DHRS1: variants seen among roughly 807,000 people sequenced by gnomAD.
DHRS1 encodes dehydrogenase/reductase 1, also known as dehydrogenase/reductase SDR family member 1.
Under a neutral mutation model 35.2 loss-of-function variants are expected in DHRS1, and 34 were observed. The ratio of observed to expected loss-of-function variants is 0.97; its 90% CI spans 0.74 to 1.29. The LOEUF is 1.29. DHRS1 is among the 50% of genes most tolerant of loss of function. The pLI is 0.00. For synonymous variants in DHRS1, 133 were observed against 160.0 expected (o/e 0.83, Z 1.27); for missense variants, 354 against 403.6 (o/e 0.88, Z 1.05).
At position 24,296,587 on chromosome 14, in the gene DHRS1, G is replaced by A. The variant is rs377106747; in HGVS notation, c.296C>T (p.Thr99Met). The change falls in exon 4 of 9, where the codon ACG becomes ATG. Residue 99 changes from threonine (T) to methionine (M), a missense_variant and splice_region_variant. Coordinates refer to ENST00000288111, the MANE Select transcript of DHRS1 (RefSeq NM_001136050.3). ...TGCCTTATTCCTGGTGTTCAGGATC[G>A]TCTGGAAGGCACAGGGAGGGTGATG... is the stretch of plus-strand genomic sequence containing the variant. ...LVNNAYAGVQTILNTRNKAFW... is the reference protein window; with the variant it reads ...LVNNAYAGVQMILNTRNKAFW... The A allele has an allele frequency of 4.2e-5, 68 of 1,614,006 alleles. No homozygotes were observed. The highest frequency in any genetic ancestry group is 2.0e-4 in the Admixed American group (12 of 59,984).
Position 24,291,465 on chromosome 14 carries a change from A to G in DHRS1, c.724+91T>C, listed in dbSNP as rs1311625042. 5 of 1,403,362 alleles carry G rather than the reference A, an allele frequency of 3.6e-6. No homozygotes were observed. In the African/African-American group the frequency reaches 7.1e-5, roughly 20 times the overall value. 86.9% of individuals were successfully genotyped at this position (1,403,362 alleles called of 1,614,324 possible). A position where few individuals can be genotyped will look rare whatever the true frequency, so the allele number is the denominator to read the frequency against. On this transcript the variant is annotated intron_variant, in intron 7 of 8. Coordinates refer to ENST00000288111, the MANE Select transcript of DHRS1 (RefSeq NM_001136050.3). The stretch of plus-strand genomic sequence containing the variant: ...AGAGAAAAGAATGACATGTTCCTCA[A>G]CCAACTCCCGAGCCAGATCTGGGCA...
chr14:24,296,866 C>T lies in DHRS1; in HGVS notation c.166G>A (p.Gly56Ser), dbSNP rs1451733834. ...VVAQEAQSLG[G>S]QCVPVVCDSS... ...TCGCACACCACAGGCACACATTGGC[C>T]CCCGAGGGATTGTGCCTGGAGTAGG... The change falls in exon 3 of 9, where the codon GGC (glycine) becomes AGC (serine). Residue 56 changes from glycine to serine, a missense_variant. Gly to Ser is a moderately conservative substitution (Grantham distance 56, BLOSUM62 0). Coordinates refer to ENST00000288111, the MANE Select transcript of DHRS1 (RefSeq NM_001136050.3). The T allele has an allele frequency of 4.3e-6, 7 of 1,614,192 alleles. No individual in the cohort carries two copies. The highest frequency in any genetic ancestry group is 1.6e-4 in the Middle Eastern group (1 of 6,062).
At chr14:24,295,045 A>AT in intron 4 of DHRS1, among the ~76,000 whole-genome samples, 1 of 152,026 alleles carries the variant, frequency 6.6e-6, no homozygotes, top group South Asian at 2.1e-4. Flanking sequence ...CTTTTTTTCT[A>AT]TTTTTCCCAC....
intron 4 of DHRS1, chr14:24,294,255 C>T (rs1448500335): frequency 6.6e-6 from 1 of 152,042 alleles, no homozygotes; most frequent in African/African-American, 2.4e-5. Context: ...CACATACACA[C>T]ACAAATACAA....
intron 5 of DHRS1, 27 bp downstream of exon 5, chr14:24,292,625 T>G (rs749248207): frequency 6.2e-7 from 1 of 1,614,218 alleles, no homozygotes; most frequent in South Asian, 1.1e-5. Flanking sequence ...TTTTACCTCC[T>G]CAGCTCCTAT....
intron 4 of DHRS1, 140 bp from the exon 5 acceptor site, chr14:24,292,924 A>G (rs2041189010): frequency 1.9e-6 from 2 of 1,065,568 alleles, no homozygotes; most frequent in South Asian, 3.8e-5. Context: ...GACCTGAGGA[A>G]TTAGGGGCTT....
rs532556388 is a variant in DHRS1 at position 24,298,619 on chromosome 14, C to T, written c.150+338G>A. 2.5e-4 allele frequency: 50 copies of T among 201,892 alleles called. 1 individual carries two copies. In the South Asian group the frequency reaches 5.8e-3, roughly 23 times the overall value. 12.5% of individuals were successfully genotyped at this position (201,892 alleles called of 1,614,324 possible). On this transcript the variant is annotated intron_variant, in intron 2 of 8. Coordinates refer to ENST00000288111, the MANE Select transcript of DHRS1 (RefSeq NM_001136050.3). The stretch of plus-strand genomic sequence containing the variant: ...TTTTCTTTTTTTTAATACAGTGTCT[C>T]GCTGTGTCGTCTAGACTGGAGTGCA...
chr14:24,292,550 G>C, intron 5 of DHRS1, 102 bp downstream of exon 5: 3 of 1,594,410 alleles, frequency 1.9e-6, no homozygotes, highest in Non-Finnish European at 2.6e-6. Flanking sequence ...GAGCTGAGAG[G>C]AGCCAGCCTT....
At chr14:24,294,112 G>A (rs1166466592) in intron 4 of DHRS1, 2 of 151,998 alleles carry the variant, frequency 1.3e-5, no homozygotes, top group East Asian at 1.9e-4. Flanking sequence ...TATAAAAAAC[G>A]AAAGCACAGA....
Position 24,291,189 on chromosome 14 carries a change from A to AC in DHRS1, c.754dup (p.Val252GlyfsTer6). 6.2e-7 allele frequency: 1 copy of AC among 1,614,142 alleles called. No homozygotes were observed. The highest frequency in any genetic ancestry group is 8.5e-7 in the Non-Finnish European group (1 of 1,180,030). ...TCGAGCAAGGTCACAGGATGGCAGC[A>AC]CCTTACCACTCAGGCTCAGGATATT... is the stretch of plus-strand genomic sequence containing the variant. On this transcript the variant is annotated frameshift_variant, in exon 8 of 9. Coordinates refer to ENST00000288111, the MANE Select transcript of DHRS1 (RefSeq NM_001136050.3). LOFTEE classifies it high-confidence loss of function.
rs956162647 is a variant in DHRS1 at position 24,299,749 on chromosome 14, G to A, written c.-193C>T. 35 of 594,450 alleles carry A rather than the reference G, an allele frequency of 5.9e-5. No homozygotes were observed. The highest frequency in any genetic ancestry group is 8.8e-5 in the Non-Finnish European group (31 of 352,970). 36.8% of individuals were successfully genotyped at this position (594,450 alleles called of 1,614,324 possible). A position where few individuals can be genotyped will look rare whatever the true frequency, so the allele number is the denominator to read the frequency against. ...TAGAGGGGCAGAGTCCCAGGCCAAA[G>A]TTAGAACCTGCGGATGGGGGCGGAG... is the stretch of plus-strand genomic sequence containing the variant. On this transcript the variant is annotated 5_prime_UTR_variant, in exon 1 of 9. Transcript: ENST00000288111.
Position 24,292,660 on chromosome 14 carries a change from T to C in DHRS1, c.499A>G (p.Lys167Glu), listed in dbSNP as rs775048909. The C allele has an allele frequency of 2.2e-5, 36 of 1,614,236 alleles. No individual in the cohort carries two copies. In the Middle Eastern group the frequency reaches 1.3e-3, roughly 59 times the overall value. Residue 167 changes from lysine to glutamate, a missense_variant, in exon 5 of 9, where the codon AAA (lysine) becomes GAA (glutamate). Physicochemically the swap from Lys to Glu is moderately conservative, Grantham distance 56. Coordinates refer to ENST00000288111, the MANE Select transcript of DHRS1 (RefSeq NM_001136050.3). ...TGCCACTGGGTCCTCACCGCAGCTT[T>C]GCCCACACCATAGGGGACATTGAAC... ...YMFNVPYGVG[K>E]AACDKLAADC...
chr14:24,298,925 T>A (rs764018793), intron 2 of DHRS1, 32 bp downstream of exon 2: 1 of 1,579,512 alleles, frequency 6.3e-7, no homozygotes, highest in South Asian at 1.1e-5. Context: ...TCGGGTGGTT[T>A]CTGCAACTGT....
chr14:24,293,861 T>C (rs1409171533), intron 4 of DHRS1: 1 of 151,994 alleles, frequency 6.6e-6, no homozygotes, highest in Non-Finnish European at 1.5e-5. Context: ...GTACAAGACA[T>C]AATAGTTAAA....
Position 24,292,484 on chromosome 14 carries a change from C to T in DHRS1, c.508-154G>A, listed in dbSNP as rs1051883. 0.45 allele frequency: 664,711 copies of T among 1,477,394 alleles called. 161,235 individuals carry two copies. The highest frequency in any genetic ancestry group is 0.51 in the Middle Eastern group (2,299 of 4,548). The allele number at this position is 1,477,394 out of a possible 1,614,324, so 91.5% of individuals were successfully genotyped here. A position where few individuals can be genotyped will look rare whatever the true frequency, so the allele number is the denominator to read the frequency against. On this transcript the variant is annotated intron_variant, in intron 5 of 8. Coordinates refer to ENST00000288111, the MANE Select transcript of DHRS1 (RefSeq NM_001136050.3). Reference sequence around the variant, plus strand: ...CACGCTCCCCAGTGTGATGCCTACTCTAGCCAACCAAGAGGAGCACAAGCA... The same window carrying T: ...CACGCTCCCCAGTGTGATGCCTACTTTAGCCAACCAAGAGGAGCACAAGCA...
In DHRS1 at chr14:24,292,344, G is replaced by A; in HGVS notation, c.508-14C>T. The A allele has an allele frequency of 6.2e-7, 1 of 1,613,620 alleles. No homozygotes were observed. Among genetic ancestry groups the A allele is most frequent in the Non-Finnish European group, 8.5e-7 (1 of 1,180,020 alleles). On this transcript the variant is annotated splice_polypyrimidine_tract_variant and intron_variant, in intron 5 of 8. Coordinates refer to ENST00000288111, the MANE Select transcript of DHRS1 (RefSeq NM_001136050.3). ...CAGCTTGTCACACTGTGGAGAGGCGGAAGGCAGGGTAAGAGCCACCTAGCC... is the reference window on the plus strand; with the variant it reads ...CAGCTTGTCACACTGTGGAGAGGCGAAAGGCAGGGTAAGAGCCACCTAGCC...
At chr14:24,298,363 CT>C (rs2041298556) in intron 2 of DHRS1, among the ~76,000 whole-genome samples, 1 of 152,204 alleles carries the variant, frequency 6.6e-6, no homozygotes, top group Admixed American at 6.5e-5. Context: ...TGGACTGAAT[CT>C]TTGAAGAGCA....
intron 6 of DHRS1, 180 bp downstream of exon 6, chr14:24,292,004 C>T: frequency 1.3e-6 from 1 of 789,066 alleles, no homozygotes; most frequent in Non-Finnish European, 2.0e-6. Context: ...TTCAGTTTTG[C>T]CATCTGTAGA....
chr14:24,298,797 C>T, intron 2 of DHRS1, 160 bp downstream of exon 2: 3 of 985,984 alleles, frequency 3.0e-6, no homozygotes, highest in Non-Finnish European at 4.1e-6. Flanking sequence ...TCTACCTTAC[C>T]TGAAGTTATT....
Sources: allele counts gnomAD v4.1 joint callset (sites outside exome capture counted in the v4.1 genomes callset), GRCh38; gene constraint gnomAD v4.1.1; transcripts MANE v1.5; gene names NCBI Gene and HGNC (gene_info 2026-07-23, HGNC 2026-07-21).